APELA: variants seen among roughly 807,000 people sequenced by gnomAD.
APELA encodes the protein apelin receptor early endogenous ligand.
At chr4:164,885,393 A>G (rs1730751324) in intron 2 of APELA, among the ~76,000 whole-genome samples, 1 of 151,896 alleles carries the variant, frequency 6.6e-6, no homozygotes, top group Non-Finnish European at 1.5e-5. Flanking sequence ...GGCCTCCCAA[A>G]GTGCTAGGGT....
In APELA at chr4:164,896,468, T is replaced by C. The variant is rs1224440229; in HGVS notation, c.*1054T>C. 1 of 152,214 alleles carries C rather than the reference T, an allele frequency of 6.6e-6. No homozygotes were observed. The highest frequency in any genetic ancestry group is 1.5e-5 in the Non-Finnish European group (1 of 68,040). The allele number at this position is 152,214 out of a possible 1,614,324, so 9.4% of individuals were successfully genotyped here. A position where few individuals can be genotyped will look rare whatever the true frequency, so the allele number is the denominator to read the frequency against. ...TCTTACTTAAAGTTGACATCTAAAA[T>C]ACAGTTATGCCAATGAAGTCCCACT... On this transcript the variant is annotated 3_prime_UTR_variant, in exon 3 of 3. Transcript: ENST00000507152.
chr4:164,893,182 G>A (rs1285508091), intron 2 of APELA, among the ~76,000 whole-genome samples: 1 of 152,074 alleles, frequency 6.6e-6, no homozygotes, highest in Non-Finnish European at 1.5e-5. Flanking sequence ...AGGGTCTTAA[G>A]TGAAATGTTA....
chr4:164,888,593 G>A (rs888226174), intron 2 of APELA, among the ~76,000 whole-genome samples: 4 of 152,136 alleles, frequency 2.6e-5, no homozygotes, highest in African/African-American at 9.7e-5. Context: ...ATTAATATAG[G>A]AGCTGGCCAT....
At chr4:164,893,870 A>G (rs1730924213) in intron 2 of APELA, among the ~76,000 whole-genome samples, 1 of 151,196 alleles carries the variant, frequency 6.6e-6, no homozygotes, top group Non-Finnish European at 1.5e-5. Flanking sequence ...TTTCTTTTCT[A>G]TATGTCCCAT....
rs1730873170 is a variant in APELA at position 164,891,067 on chromosome 4, T to C, written c.*2-4349T>C. 4.6e-5 allele frequency among the ~76,000 whole-genome samples: 7 copies of C among 152,318 alleles called. No individual in the cohort carries two copies. The South Asian group carries it at 1.4e-3, about 32-fold the overall frequency. ...ATCCTTTGCCCATTTTTCAGTTGGA[T>C]TATTTGTCTTTATATCGTTGAGCTG... On this transcript the variant is annotated intron_variant, in intron 2 of 2. Coordinates refer to ENST00000507152, the MANE Select transcript of APELA (RefSeq NM_001297550.2).
Position 164,878,919 on chromosome 4 carries a change from G to T in APELA, c.77-1G>T. The T allele has an allele frequency of 2.5e-6, 1 of 398,900 alleles. No homozygotes were observed. 24.7% of individuals were successfully genotyped at this position (398,900 alleles called of 1,614,324 possible). A position where few individuals can be genotyped will look rare whatever the true frequency, so the allele number is the denominator to read the frequency against. ...CTAATACTTCTCTCTTTTTCCTTCAGTTAATTTGACCATGAGAAGAAAACT... is the reference window on the plus strand; with the variant it reads ...CTAATACTTCTCTCTTTTTCCTTCATTTAATTTGACCATGAGAAGAAAACT... On this transcript the variant is annotated splice_acceptor_variant, in intron 1 of 2. Coordinates refer to ENST00000507152, the MANE Select transcript of APELA (RefSeq NM_001297550.2). LOFTEE classifies it high-confidence loss of function.
rs1730955869 is a variant in APELA at position 164,895,455 on chromosome 4, AGAG to A, written c.*45_*47del. On this transcript the variant is annotated 3_prime_UTR_variant, in exon 3 of 3. Transcript: ENST00000507152. ...CTTTACTGGATCTATCAGAAGAAGA[AGAG>A]GAGTGAAGGAAAGACACCCAGCCAC... 6.6e-6 allele frequency: 1 copy of A among 152,208 alleles called. No homozygotes were observed. The highest frequency in any genetic ancestry group is 2.4e-5 in the African/African-American group (1 of 41,442). The allele number at this position is 152,208 out of a possible 1,614,324, so 9.4% of individuals were successfully genotyped here.
chr4:164,896,787 T>C lies in APELA; in HGVS notation c.*1373T>C, dbSNP rs992388152. The C allele has an allele frequency of 2.3e-5, 3 of 129,156 alleles. No individual in the cohort carries two copies. Among genetic ancestry groups the C allele is most frequent in the Non-Finnish European group, 4.5e-5 (3 of 67,380 alleles). 8.0% of individuals were successfully genotyped at this position (129,156 alleles called of 1,614,324 possible). A position where few individuals can be genotyped will look rare whatever the true frequency, so the allele number is the denominator to read the frequency against. ...GATAAGAAATTTACAAGTTTATATC[T>C]TTTTTTTTCTTTTTTTTAAGATGAG... On this transcript the variant is annotated 3_prime_UTR_variant, in exon 3 of 3. Coordinates refer to ENST00000507152, the MANE Select transcript of APELA (RefSeq NM_001297550.2).
intron 2 of APELA, among the ~76,000 whole-genome samples, chr4:164,879,414 T>TTCTCCTCC (rs527308439): frequency 3.9e-5 from 6 of 152,066 alleles, no homozygotes; most frequent in South Asian, 2.1e-4. Context: ...GTTTCTTTTC[T>TTCTCCTCC]TCTCCTCCTC....
intron 2 of APELA, among the ~76,000 whole-genome samples, chr4:164,893,517 G>C (rs529369084): frequency 7.2e-5 from 11 of 151,844 alleles, no homozygotes; most frequent in Admixed American, 2.6e-4. Context: ...CTTCATAATT[G>C]TTCTATCTTC....
At chr4:164,886,199 G>C (rs1458371119) in intron 2 of APELA, among the ~76,000 whole-genome samples, 2 of 151,882 alleles carry the variant, frequency 1.3e-5, no homozygotes, top group Non-Finnish European at 2.9e-5. Flanking sequence ...GGGCATTCCT[G>C]TGTGGGCTGA....
rs758157733 is a variant in APELA, at chr4:164,883,484, C to CTTTTTT, written c.*1+4480_*1+4481insTTTTTT. ...CTTTTATGTTCCCTTTCTAGTCTTT[C>CTTTTTT]TTTTTCTTTTTTTTTTTTTTTGAGA... On this transcript the variant is annotated intron_variant, in intron 2 of 2. Coordinates refer to ENST00000507152, the MANE Select transcript of APELA (RefSeq NM_001297550.2). Among the ~76,000 whole-genome samples, 43 of 129,372 alleles carry CTTTTTT rather than the reference C, an allele frequency of 3.3e-4. 4 individuals are homozygous for CTTTTTT. The highest frequency in any genetic ancestry group is 1.1e-3 in the African/African-American group (34 of 30,964). 84.9% of individuals were successfully genotyped at this position (129,372 alleles called of 152,430 possible).
intron 2 of APELA, among the ~76,000 whole-genome samples, chr4:164,884,985 C>T (rs750299429): frequency 3.9e-5 from 6 of 152,124 alleles, no homozygotes; most frequent in Non-Finnish European, 4.4e-5. Context: ...AAGTCCTTAA[C>T]GCCTGGCATT....
intron 2 of APELA, among the ~76,000 whole-genome samples, chr4:164,880,910 G>C (rs1024587914): frequency 6.6e-6 from 1 of 152,174 alleles, no homozygotes; most frequent in Non-Finnish European, 1.5e-5. Context: ...AGTTGGCTGA[G>C]AGCTTATAAA....
intron 2 of APELA, among the ~76,000 whole-genome samples, chr4:164,880,454 A>G (rs1412314390): frequency 6.6e-6 from 1 of 152,336 alleles, no homozygotes; most frequent in Admixed American, 6.5e-5. Context: ...TGAGAAGCCA[A>G]TTAATGGTGA....
In APELA at chr4:164,897,170, G is replaced by A. The variant is rs536385739; in HGVS notation, c.*1756G>A. On this transcript the variant is annotated 3_prime_UTR_variant, in exon 3 of 3. Transcript: ENST00000507152. ...CATTTTGCTAAAATGAAAGGTTGGG[G>A]TTAATATAAATGTAATTTTAAATAG... The A allele has an allele frequency of 6.6e-6, 1 of 152,182 alleles. No homozygotes were observed. The highest frequency in any genetic ancestry group is 1.5e-5 in the Non-Finnish European group (1 of 68,044). The allele number at this position is 152,182 out of a possible 1,614,324, so 9.4% of individuals were successfully genotyped here.
intron 2 of APELA, among the ~76,000 whole-genome samples, chr4:164,894,255 G>T (rs1313111753): frequency 6.6e-6 from 1 of 152,136 alleles, no homozygotes; most frequent in East Asian, 1.9e-4. Flanking sequence ...AACCCAGGAA[G>T]TGAAGGTTGT....
At chr4:164,895,109 G>C (rs982283273) in intron 2 of APELA, among the ~76,000 whole-genome samples, 1 of 152,148 alleles carries the variant, frequency 6.6e-6, no homozygotes, top group Non-Finnish European at 1.5e-5. Context: ...TGGGGCATGA[G>C]AATCACTTGA....
Position 164,896,359 on chromosome 4 carries a change from T to A in APELA, c.*945T>A, listed in dbSNP as rs1730976581. 1 of 152,220 alleles carries A rather than the reference T, an allele frequency of 6.6e-6. No homozygotes were observed. Among genetic ancestry groups the A allele is most frequent in the Non-Finnish European group, 1.5e-5 (1 of 68,044 alleles). 9.4% of individuals were successfully genotyped at this position (152,220 alleles called of 1,614,324 possible). A position where few individuals can be genotyped will look rare whatever the true frequency, so the allele number is the denominator to read the frequency against. ...ATTCATTTTTTAACCTTTCTCATCATGTAATTATAGGAACCCAACGTTTGA... is the reference window on the plus strand; with the variant it reads ...ATTCATTTTTTAACCTTTCTCATCAAGTAATTATAGGAACCCAACGTTTGA... On this transcript the variant is annotated 3_prime_UTR_variant, in exon 3 of 3. Transcript: ENST00000507152.
Sources: allele counts gnomAD v4.1 joint callset (sites outside exome capture counted in the v4.1 genomes callset), GRCh38; gene constraint gnomAD v4.1.1; transcripts MANE v1.5; gene names NCBI Gene and HGNC (gene_info 2026-07-23, HGNC 2026-07-21).